The following POLD2 variants were observed in gnomAD, a reference collection of about 807,000 sequenced individuals.
POLD2 encodes the protein DNA polymerase delta 2, accessory subunit, also known as DNA polymerase delta subunit 2.
POLD2 carries 31 observed loss-of-function variants against 48.8 expected under a neutral mutation model. That is an observed-to-expected ratio of 0.64 (90% CI 0.48 to 0.86). The LOEUF (loss-of-function observed/expected upper bound fraction) is 0.86. POLD2 is among the 40% of genes least tolerant of loss of function. The pLI, the probability that POLD2 is intolerant of heterozygous loss-of-function variation, is 0.00. For missense variants in POLD2, 455 were observed against 610.1 expected (o/e 0.75, Z 2.68); for synonymous variants, 233 against 256.3 (o/e 0.91, Z 0.87).
Position 44,117,626 on chromosome 7 carries a change from C to A in POLD2, c.459G>T (p.Leu153=). 1 of 1,604,980 alleles carries A rather than the reference C, an allele frequency of 6.2e-7. No homozygotes were observed. The highest frequency in any genetic ancestry group is 8.5e-7 in the Non-Finnish European group (1 of 1,175,464). The change falls in exon 4 of 11, where the codon CTG becomes CTT. Residue 153 remains leucine, a synonymous_variant. Coordinates refer to ENST00000610533, the MANE Select transcript of POLD2 (RefSeq NM_006230.4). ...TCTCATTGGGCTCCCTACCCGTAAC[C>A]AGCTTTGACACGTCAATGGTGCCTT... ...KLKGTIDVSK[L]VTGTVLAVFG...
rs372844709 is a variant in POLD2, at chr7:44,116,776, C to T, written c.780+41G>A. 2 of 1,601,848 alleles carry T rather than the reference C, an allele frequency of 1.2e-6. No homozygotes were observed. The highest frequency in any genetic ancestry group is 1.7e-6 in the Non-Finnish European group (2 of 1,171,434). On this transcript the variant is annotated intron_variant, in intron 6 of 10. Coordinates refer to ENST00000610533, the MANE Select transcript of POLD2 (RefSeq NM_006230.4). The surrounding 1 kb of genome is among the most constrained non-coding windows in gnomAD (Gnocchi z 6.1). ...AAGGAGGGTCTTACAGGCTTGCAGG[C>T]TCCTGGGCTGGGGCTGAATGCAGCC...
upstream of POLD2, among the ~76,000 whole-genome samples, chr7:44,123,862 C>CCCAGT (rs2096252114): frequency 6.6e-6 from 1 of 152,226 alleles, no homozygotes; most frequent in South Asian, 2.1e-4. Flanking sequence ...GCCCAAACCT[C>CCCAGT]CCAGTGGTCG....
rs142305815 is a variant in POLD2 at position 44,114,854 on chromosome 7, G to A, written c.1341C>T (p.Cys447=). The A allele has an allele frequency of 3.7e-3, 5,904 of 1,613,882 alleles. 21 individuals carry two copies. The highest frequency in any genetic ancestry group is 4.4e-3 in the Non-Finnish European group (5,196 of 1,179,838). The part of the protein sequence containing the change: ...ACLVNLRSLA[C]QPISFSGFGA... ...CGAAGCCCGAGAAGCTGATGGGCTG[G>A]CAGGCCAGGCTGCGCAGGTTCACAA... is the stretch of plus-strand genomic sequence containing the variant. The change falls in exon 11 of 11, where the codon TGC becomes TGT. Residue 447 remains cysteine (C), a synonymous_variant. Coordinates refer to ENST00000610533, the MANE Select transcript of POLD2 (RefSeq NM_006230.4).
At position 44,116,199 on chromosome 7, in the gene POLD2, T is replaced by G. The variant is rs1583561457; in HGVS notation, c.935A>C (p.His312Pro). Reference protein sequence around the residue: ...TNYTLPQQPLHPCMFPLATAY... With the variant: ...TNYTLPQQPLPPCMFPLATAY... ...AGTGGCCAGCGGGAACATGCAGGGG[T>G]GGAGGGGCTGCTGGGGGAGCGTGTA... is the stretch of plus-strand genomic sequence containing the variant. The change falls in exon 8 of 11, where the codon CAC becomes CCC. Residue 312 changes from histidine to proline, a missense_variant. Around this residue, in one of 3 missense-constraint regions of POLD2, gnomAD observed 349 missense variants for 437.4 expected, o/e 0.80. Transcript: ENST00000610533. The surrounding 1 kb of genome is among the most constrained non-coding windows in gnomAD (Gnocchi z 6.1). 1 of 1,613,568 alleles carries G rather than the reference T, an allele frequency of 6.2e-7. No homozygotes were observed. The highest frequency in any genetic ancestry group is 2.2e-5 in the East Asian group (1 of 44,860).
In POLD2 at chr7:44,115,533, A is replaced by G. The variant is rs2096237468; in HGVS notation, c.1148-137T>C. 9.5e-6 allele frequency: 7 copies of G among 737,856 alleles called. No individual in the cohort carries two copies. In the South Asian group the frequency reaches 1.0e-4, roughly 11 times the overall value. The allele number at this position is 737,856 out of a possible 1,614,324, so 45.7% of individuals were successfully genotyped here. On this transcript the variant is annotated intron_variant, in intron 9 of 10. Transcript: ENST00000610533. ...TGTGACAATAGGGGCACCTCCAGAC[A>G]TTGTCACAAGACCTTGGCCCTGCTG...
chr7:44,117,430 C>T, intron 4 of POLD2, 183 bp from the exon 5 acceptor site: 1 of 768,124 alleles, frequency 1.3e-6, no homozygotes, highest in Non-Finnish European at 2.1e-6. Flanking sequence ...GGAGACCCAT[C>T]TCCCAGCCAG....
chr7:44,115,375 G>C lies in POLD2; in HGVS notation c.1169C>G (p.Thr390Ser). ...GCACTCTGGGAAGATGAACGGGTCA[G>C]TTTTGTAGAAGGGGTAACAACCTGG... ...DTLGCYPFYKTDPFIFPECPH... is the reference protein window; with the variant it reads ...DTLGCYPFYKSDPFIFPECPH... Residue 390 changes from threonine (T) to serine (S), a missense_variant, in exon 10 of 11, where the codon ACT (threonine) becomes AGT (serine). By Grantham distance (58) the Thr-to-Ser change is moderately conservative. Around this residue, in one of 3 missense-constraint regions of POLD2, gnomAD observed 98 missense variants for 138.6 expected, o/e 0.71. Transcript: ENST00000610533. 6.2e-7 allele frequency: 1 copy of C among 1,613,390 alleles called. No individual in the cohort carries two copies. The highest frequency in any genetic ancestry group is 8.5e-7 in the Non-Finnish European group (1 of 1,179,282).
Position 44,115,966 on chromosome 7 carries a change from G to A in POLD2, c.1020-73C>T, listed in dbSNP as rs182871966. On this transcript the variant is annotated intron_variant, in intron 8 of 10. Transcript: ENST00000610533. Reference sequence around the variant, plus strand: ...GTGGTCAGCCCAGAGCTCATCTGGCGCTCTTGTGGGGATGCCCCAGAGAGA... The same window carrying A: ...GTGGTCAGCCCAGAGCTCATCTGGCACTCTTGTGGGGATGCCCCAGAGAGA... 512 of 1,606,508 alleles carry A rather than the reference G, an allele frequency of 3.2e-4. 2 individuals carry two copies. In the African/African-American group the frequency reaches 5.2e-3, roughly 16 times the overall value.
At chr7:44,117,822 C>A (rs1419841581) in intron 3 of POLD2, 80 bp from the exon 4 acceptor site, 1 of 1,601,486 alleles carries the variant, frequency 6.2e-7, no homozygotes, top group Non-Finnish European at 8.5e-7. Flanking sequence ...GCACCGCAGC[C>A]CCCACCCCTC....
chr7:44,123,915 G>T (rs2096252327), upstream of POLD2, among the ~76,000 whole-genome samples: 1 of 152,232 alleles, frequency 6.6e-6, no homozygotes, highest in African/African-American at 2.4e-5. Flanking sequence ...CAGCCTCCTT[G>T]GTGAAGCCCC....
In POLD2 at chr7:44,117,229, A is replaced by G. The variant is rs762666447; in HGVS notation, c.485T>C (p.Phe162Ser). The change falls in exon 5 of 11, where the codon TTT (phenylalanine) becomes TCT (serine). Residue 162 changes from phenylalanine (F) to serine (S), a missense_variant. Physicochemically the swap from Phe to Ser is radical, Grantham distance 155. This residue lies in a region of POLD2 where 349 missense variants were observed against 437.4 expected (regional missense o/e 0.80). Coordinates refer to ENST00000610533, the MANE Select transcript of POLD2 (RefSeq NM_006230.4). ...CTTCCCGTCGTCTCTCACGGAGCCAAACACAGCCAGGACAGTCCCTGGGGA... is the reference window on the plus strand; with the variant it reads ...CTTCCCGTCGTCTCTCACGGAGCCAGACACAGCCAGGACAGTCCCTGGGGA... The part of the protein sequence containing the change: ...KLVTGTVLAV[F>S]GSVRDDGKFL... 15 of 1,613,782 alleles carry G rather than the reference A, an allele frequency of 9.3e-6. No individual in the cohort carries two copies. Among genetic ancestry groups the G allele is most frequent in the Non-Finnish European group, 1.3e-5 (15 of 1,179,882 alleles).
At chr7:44,123,992 A>G (rs1026248616), upstream of POLD2, among the ~76,000 whole-genome samples, 1 of 152,198 alleles carries the variant, frequency 6.6e-6, no homozygotes, top group South Asian at 2.1e-4. Flanking sequence ...GAGGATCCCA[A>G]CAGAAAGAAG....
chr7:44,118,168 C>A, intron 2 of POLD2, 104 bp from the exon 3 acceptor site: 2 of 1,243,814 alleles, frequency 1.6e-6, no homozygotes, highest in Non-Finnish European at 2.1e-6. Flanking sequence ...TCACAGGGCC[C>A]TGGCCTTGCC....
chr7:44,116,541 C>A lies in POLD2; in HGVS notation c.781-31G>T. 1 of 1,523,164 alleles carries A rather than the reference C, an allele frequency of 6.6e-7. No individual in the cohort carries two copies. Among genetic ancestry groups the A allele is most frequent in the South Asian group, 1.2e-5 (1 of 83,686 alleles). 94.4% of individuals were successfully genotyped at this position (1,523,164 alleles called of 1,614,324 possible). A position where few individuals can be genotyped will look rare whatever the true frequency, so the allele number is the denominator to read the frequency against. Reference sequence around the variant, plus strand: ...ATAGAAGCCCAGAAGGCCATCAGGCCCAGGCGAGTCCCAGGCTCAGAGGAG... The same window carrying A: ...ATAGAAGCCCAGAAGGCCATCAGGCACAGGCGAGTCCCAGGCTCAGAGGAG... On this transcript the variant is annotated intron_variant, in intron 6 of 10. Coordinates refer to ENST00000610533, the MANE Select transcript of POLD2 (RefSeq NM_006230.4). The surrounding 1 kb of genome is among the most constrained non-coding windows in gnomAD (Gnocchi z 6.1).
rs751983244 is a variant in POLD2, at chr7:44,117,767, A to G, written c.343-25T>C. The G allele has an allele frequency of 4.3e-6, 7 of 1,613,670 alleles. No individual in the cohort carries two copies. In the African/African-American group the frequency reaches 6.7e-5, roughly 15 times the overall value. ...GCTGGAATGCAGAGACAGGAGGTATAATCTTGGGGCCAGAGCCCACCAAAG... is the reference window on the plus strand; with the variant it reads ...GCTGGAATGCAGAGACAGGAGGTATGATCTTGGGGCCAGAGCCCACCAAAG... On this transcript the variant is annotated intron_variant, in intron 3 of 10. Coordinates refer to ENST00000610533, the MANE Select transcript of POLD2 (RefSeq NM_006230.4).
rs1436707442 is a variant in POLD2 at position 44,116,702 on chromosome 7, CTT to C, written c.780+113_780+114del. ...GAGGCCCCAGAGTCACTGCAGGGCG[CTT>C]CCCACCGACCTGCGAGACCTCACAG... On this transcript the variant is annotated intron_variant, in intron 6 of 10. Coordinates refer to ENST00000610533, the MANE Select transcript of POLD2 (RefSeq NM_006230.4). The surrounding 1 kb of genome is among the most constrained non-coding windows in gnomAD (Gnocchi z 6.1). The C allele has an allele frequency of 6.8e-5, 82 of 1,199,158 alleles. No homozygotes were observed. The highest frequency in any genetic ancestry group is 8.9e-5 in the Non-Finnish European group (75 of 840,186). The allele number at this position is 1,199,158 out of a possible 1,614,324, so 74.3% of individuals were successfully genotyped here.
At position 44,114,871 on chromosome 7, in the gene POLD2, G is replaced by A; in HGVS notation, c.1324C>T (p.Leu442=). 4.3e-6 allele frequency: 7 copies of A among 1,613,934 alleles called. No individual in the cohort carries two copies. Among genetic ancestry groups the A allele is most frequent in the Non-Finnish European group, 5.9e-6 (7 of 1,179,896 alleles). ...ATGGGCTGGCAGGCCAGGCTGCGCA[G>A]GTTCACAAGGCAGGCGGTCTGCGTG... is the stretch of plus-strand genomic sequence containing the variant. ...SATQTACLVN[L]RSLACQPISF... The change falls in exon 11 of 11, where the codon CTG becomes TTG. Residue 442 remains leucine (L), a synonymous_variant. Transcript: ENST00000610533.
rs41560521 is a variant in POLD2 at position 44,114,962 on chromosome 7, T to C, written c.1250-17A>G. 9 of 1,591,364 alleles carry C rather than the reference T, an allele frequency of 5.7e-6. No individual in the cohort carries two copies. The highest frequency in any genetic ancestry group is 1.3e-5 in the African/African-American group (1 of 74,412). Reference sequence around the variant, plus strand: ...CCTCAGGACCTGCAAAGAAGTCACATAGGACCCACTGTAGGTTCCAAGTAA... The same window carrying C: ...CCTCAGGACCTGCAAAGAAGTCACACAGGACCCACTGTAGGTTCCAAGTAA... On this transcript the variant is annotated splice_polypyrimidine_tract_variant and intron_variant, in intron 10 of 10. Coordinates refer to ENST00000610533, the MANE Select transcript of POLD2 (RefSeq NM_006230.4).
chr7:44,115,939 TAGTGGTCAGCCCAG>T (rs759970047), intron 8 of POLD2, 46 bp from the exon 9 acceptor site: 1 of 1,613,782 alleles, frequency 6.2e-7, no homozygotes, highest in East Asian at 2.2e-5. Context: ...GTGCCACCCA[TAGTGGTCAGCCCAG>T]AGCTCATCTG....
Sources: allele counts gnomAD v4.1 joint callset (sites outside exome capture counted in the v4.1 genomes callset), GRCh38; gene constraint gnomAD v4.1.1; regional missense constraint gnomAD v4.1.1; non-coding constraint Gnocchi (gnomAD v3.1); transcripts MANE v1.5; gene names NCBI Gene and HGNC (gene_info 2026-07-23, HGNC 2026-07-21).